Variants in ABHD17B observed in about 807,000 individuals in gnomAD.
The protein encoded by ABHD17B is abhydrolase domain containing 17B, depalmitoylase, also known as alpha/beta hydrolase domain-containing protein 17B.
A neutral mutation model predicts 26.2 loss-of-function variants in ABHD17B; 9 were observed. The ratio of observed to expected loss-of-function variants is 0.34; its 90% confidence interval spans 0.21 to 0.60. The LOEUF (loss-of-function observed/expected upper bound fraction) is 0.60. ABHD17B is among the 20% of genes least tolerant of loss of function. The probability of loss-of-function intolerance (pLI) is 0.80; values close to 1 mark genes in which losing one functional copy is unlikely to be tolerated. For missense variants in ABHD17B, 224 were observed against 352.1 expected (o/e 0.64, Z 2.91); for synonymous variants, 127 against 122.3 (o/e 1.04, Z -0.25).
At chr9:71,882,946 C>T (rs997235445) in intron 1 of ABHD17B, among the ~76,000 whole-genome samples, 4 of 152,034 alleles carry the variant, frequency 2.6e-5, no homozygotes, top group African/African-American at 9.7e-5. Context: ...GAGTTCAAGA[C>T]CAGCATGACC....
chr9:71,901,611 A>G (rs1462498938), intron 1 of ABHD17B, among the ~76,000 whole-genome samples: 1 of 152,086 alleles, frequency 6.6e-6, no homozygotes, highest in Non-Finnish European at 1.5e-5. Context: ...AATGTTACCT[A>G]GATCTAAAAA....
At chr9:71,905,545 C>T (rs2132214239) in intron 1 of ABHD17B, among the ~76,000 whole-genome samples, 1 of 152,252 alleles carries the variant, frequency 6.6e-6, no homozygotes, top group South Asian at 2.1e-4. Context: ...GGAAGTTGTA[C>T]TTTGTACAGA....
rs377281040 is a variant in ABHD17B at position 71,885,289 on chromosome 9, AT to A, written c.-3-10207del. On this transcript the variant is annotated intron_variant, in intron 1 of 3. Coordinates refer to ENST00000333421, the MANE Select transcript of ABHD17B (RefSeq NM_001025780.3). ...GTGAAACCCCATCTCTACTAAAAAA[AT>A]AATAATAATTAATATAAAAATTAGC... Among the ~76,000 whole-genome samples the A allele has an allele frequency of 1.1e-3, 171 of 152,002 alleles. 1 individual carries two copies. The highest frequency in any genetic ancestry group is 3.8e-3 in the African/African-American group (159 of 41,476).
rs541073697 is a variant in ABHD17B, at chr9:71,904,193, T to G, written c.-4+6441A>C. 3.9e-5 allele frequency among the ~76,000 whole-genome samples: 6 copies of G among 152,318 alleles called. No homozygotes were observed. In the South Asian group the frequency reaches 1.2e-3, roughly 32 times the overall value. ...AAAGCAGTTATCACTTTCTAATATA[T>G]TATTTGTTGTGCATATTATCAGTGG... On this transcript the variant is annotated intron_variant, in intron 1 of 3. Transcript: ENST00000333421.
intron 2 of ABHD17B, among the ~76,000 whole-genome samples, chr9:71,873,688 G>A (rs867167025): frequency 2.0e-5 from 3 of 151,368 alleles, no homozygotes; most frequent in South Asian, 2.1e-4. Flanking sequence ...GAGCCACTGC[G>A]CCCAGACATT....
At chr9:71,908,856 A>G (rs1827362067) in intron 1 of ABHD17B, among the ~76,000 whole-genome samples, 1 of 152,238 alleles carries the variant, frequency 6.6e-6, no homozygotes, top group South Asian at 2.1e-4. Flanking sequence ...TTATAAAGTG[A>G]GCAGGTGGCA....
intron 3 of ABHD17B, 69 bp from the exon 4 acceptor site, chr9:71,867,075 T>C (rs1825979781): frequency 6.6e-7 from 1 of 1,506,898 alleles, no homozygotes; most frequent in Non-Finnish European, 9.0e-7. Context: ...TCTTGTGCTA[T>C]ATCAGACAGA....
chr9:71,900,363 C>T (rs887895010), intron 1 of ABHD17B, among the ~76,000 whole-genome samples: 4 of 152,132 alleles, frequency 2.6e-5, no homozygotes, highest in Admixed American at 1.3e-4. Context: ...GCTTCTCTCT[C>T]TACTTGTAAA....
intron 1 of ABHD17B, among the ~76,000 whole-genome samples, chr9:71,892,711 G>A (rs1214656357): frequency 6.6e-6 from 1 of 151,972 alleles, no homozygotes; most frequent in Non-Finnish European, 1.5e-5. Flanking sequence ...AGTAAGGGAG[G>A]TTGTCATTTC....
chr9:71,897,370 A>T (rs1352404095), intron 1 of ABHD17B, among the ~76,000 whole-genome samples: 2 of 152,164 alleles, frequency 1.3e-5, no homozygotes, highest in African/African-American at 4.8e-5. Flanking sequence ...AATAAAAATT[A>T]GCTGGGTGTG....
At chr9:71,872,182 G>A (rs1158264220) in intron 2 of ABHD17B, among the ~76,000 whole-genome samples, 4 of 152,140 alleles carry the variant, frequency 2.6e-5, no homozygotes, top group African/African-American at 4.8e-5. Context: ...CACAGGCTCA[G>A]AGAAGTAATA....
Position 71,874,837 on chromosome 9 carries a change from T to A in ABHD17B, c.244A>T (p.Met82Leu). 1 of 1,614,192 alleles carries A rather than the reference T, an allele frequency of 6.2e-7. No individual in the cohort carries two copies. Residue 82 changes from methionine to leucine, a missense_variant, in exon 2 of 4, where the codon ATG becomes TTG. Physicochemically the swap from Met to Leu is conservative, Grantham distance 15. Transcript: ENST00000333421. Reference sequence around the variant, plus strand: ...GCATTGGGTGAACAACGTACAAACATACAAGCAATTCTGTTGCCTTTACTG... The same window carrying A: ...GCATTGGGTGAACAACGTACAAACAAACAAGCAATTCTGTTGCCTTTACTG... ...RTSKGNRIAC[M>L]FVRCSPNAKY... is the part of the protein sequence containing the mutation.
intron 1 of ABHD17B, among the ~76,000 whole-genome samples, chr9:71,892,547 A>G (rs1589225859): frequency 1.3e-5 from 2 of 151,968 alleles, no homozygotes; most frequent in Admixed American, 1.3e-4. Flanking sequence ...AAAAACAAAA[A>G]CAAACAAACA....
At chr9:71,864,427 G>A (rs772976373), downstream of ABHD17B, among the ~76,000 whole-genome samples, 1 of 151,708 alleles carries the variant, frequency 6.6e-6, no homozygotes, top group Non-Finnish European at 1.5e-5. Context: ...CACCGTGTTA[G>A]CCAGGATGGT....
At chr9:71,902,572 A>T (rs1827176273) in intron 1 of ABHD17B, 1 of 152,224 alleles carries the variant, frequency 6.6e-6, no homozygotes, top group Non-Finnish European at 1.5e-5. Flanking sequence ...GATTAATAAA[A>T]GTGACAATGA....
At chr9:71,868,801 G>T (rs1826030359) in intron 3 of ABHD17B, among the ~76,000 whole-genome samples, 2 of 152,162 alleles carry the variant, frequency 1.3e-5, no homozygotes, top group Admixed American at 1.3e-4. Flanking sequence ...GGATTCTCAT[G>T]CCTCAGCCTC....
chr9:71,865,474 A>G lies in ABHD17B; in HGVS notation c.*1313T>C, dbSNP rs1825931215. Reference sequence around the variant, plus strand: ...TTTTTTTACTATATTGGTTAATATAAAAGTTATGAATTAAACGTATTCTTA... The same window carrying G: ...TTTTTTTACTATATTGGTTAATATAGAAGTTATGAATTAAACGTATTCTTA... On this transcript the variant is annotated 3_prime_UTR_variant, in exon 4 of 4. Coordinates refer to ENST00000333421, the MANE Select transcript of ABHD17B (RefSeq NM_001025780.3). 2 of 983,346 alleles carry G rather than the reference A, an allele frequency of 2.0e-6. No homozygotes were observed. Among genetic ancestry groups the G allele is most frequent in the South Asian group, 9.4e-5 (2 of 21,246 alleles). 60.9% of individuals were successfully genotyped at this position (983,346 alleles called of 1,614,324 possible).
At chr9:71,901,526 T>C (rs1197886884) in intron 1 of ABHD17B, among the ~76,000 whole-genome samples, 1 of 152,222 alleles carries the variant, frequency 6.6e-6, no homozygotes, top group Non-Finnish European at 1.5e-5. Context: ...TATTTATTTA[T>C]TTTTATAGAT....
At chr9:71,892,785 G>T (rs996219816) in intron 1 of ABHD17B, among the ~76,000 whole-genome samples, 6 of 151,810 alleles carry the variant, frequency 4.0e-5, no homozygotes, top group South Asian at 2.1e-4. Context: ...ATAATGTTGT[G>T]TTTTTTAAAT....
Sources: allele counts gnomAD v4.1 joint callset (sites outside exome capture counted in the v4.1 genomes callset), GRCh38; gene constraint gnomAD v4.1.1; transcripts MANE v1.5; gene names NCBI Gene and HGNC (gene_info 2026-07-23, HGNC 2026-07-21).